Variants in TRAF1 observed in about 807,000 individuals in gnomAD.
TRAF1 encodes the protein TNF receptor associated factor 1.
Under a neutral mutation model 40.9 loss-of-function variants are expected in TRAF1, and 23 were observed. That is an observed-to-expected ratio of 0.56 (90% confidence interval 0.40 to 0.80). The LOEUF is 0.80. Among genes scored for constraint, TRAF1 ranks in the 30% least tolerant of loss-of-function variants. The pLI is 0.00. For synonymous variants in TRAF1, 206 were observed against 218.8 expected (o/e 0.94, Z 0.52); for missense variants, 477 against 528.7 (o/e 0.90, Z 0.96).
At chr9:120,917,184 C>T (rs1427575636) in intron 3 of TRAF1, among the ~76,000 whole-genome samples, 1 of 152,172 alleles carries the variant, frequency 6.6e-6, no homozygotes, top group Non-Finnish European at 1.5e-5. Flanking sequence ...GATGCGTGTA[C>T]AGATGTGGAC....
rs1158828543 is a variant in TRAF1 at position 120,911,319 on chromosome 9, C to A, written c.883+17G>T. The A allele has an allele frequency of 6.2e-7, 1 of 1,609,110 alleles. No individual in the cohort carries two copies. The highest frequency in any genetic ancestry group is 1.3e-5 in the African/African-American group (1 of 74,860). ...CTGTTTCCCCAGGCAGGTCTCTGTG[C>A]CCCTGGGAGGTGTTACCTGGGGAGA... On this transcript the variant is annotated intron_variant, in intron 6 of 7. Transcript: ENST00000373887.
At chr9:120,910,887 T>A (rs2131622229) in intron 6 of TRAF1, among the ~76,000 whole-genome samples, 1 of 152,316 alleles carries the variant, frequency 6.6e-6, no homozygotes, top group Non-Finnish European at 1.5e-5. Context: ...AGTGCATGTG[T>A]CTTACTCAGT....
At chr9:120,914,437 C>G in intron 3 of TRAF1, 137 bp from the exon 4 acceptor site, 1 of 1,239,338 alleles carries the variant, frequency 8.1e-7, no homozygotes, top group Non-Finnish European at 1.0e-6. Context: ...TTCCCTTTGG[C>G]TATCTCCTTT....
chr9:120,919,062 C>T (rs1401202580), intron 3 of TRAF1, among the ~76,000 whole-genome samples: 1 of 152,176 alleles, frequency 6.6e-6, no homozygotes, highest in Non-Finnish European at 1.5e-5. Flanking sequence ...GTGTCCTTGC[C>T]TGGGGTGGCC....
intron 7 of TRAF1, among the ~76,000 whole-genome samples, chr9:120,905,843 A>G (rs969778278): frequency 6.6e-6 from 1 of 152,232 alleles, no homozygotes; most frequent in Non-Finnish European, 1.5e-5. Context: ...TCCATCAGGA[A>G]GCTGAATGGC....
chr9:120,909,230 C>T lies in TRAF1; in HGVS notation c.1032G>A (p.Lys344=). 1 of 1,613,706 alleles carries T rather than the reference C, an allele frequency of 6.2e-7. No individual in the cohort carries two copies. The highest frequency in any genetic ancestry group is 8.5e-7 in the Non-Finnish European group (1 of 1,179,934). The change falls in exon 7 of 8, where the codon AAG becomes AAA. Residue 344 remains lysine, a splice_region_variant and synonymous_variant. Coordinates refer to ENST00000373887, the MANE Select transcript of TRAF1 (RefSeq NM_005658.5). ...ACCCCCATCACCTTCACACCCATAC[C>T]TTGTTCCGGAAGGGCCACGGCAGCA... is the stretch of plus-strand genomic sequence containing the variant. ...DALLPWPFRN[K]VTFMLLDQNN...
chr9:120,923,686 C>T lies in TRAF1; in HGVS notation c.228+19G>A, dbSNP rs1338920531. 6.2e-7 allele frequency: 1 copy of T among 1,613,590 alleles called. No individual in the cohort carries two copies. Among genetic ancestry groups the T allele is most frequent in the Non-Finnish European group, 8.5e-7 (1 of 1,179,518 alleles). On this transcript the variant is annotated intron_variant, in intron 3 of 7. Transcript: ENST00000373887. Reference sequence around the variant, plus strand: ...ATCAAGACAACGGACAAATGCCTTTCTGTGATGTGCCAACGTACCTTCTCC... The same window carrying T: ...ATCAAGACAACGGACAAATGCCTTTTTGTGATGTGCCAACGTACCTTCTCC...
At chr9:120,920,249 G>A (rs1278237856) in intron 3 of TRAF1, among the ~76,000 whole-genome samples, 1 of 152,160 alleles carries the variant, frequency 6.6e-6, no homozygotes, top group African/African-American at 2.4e-5. Context: ...GTGACCTCAA[G>A]GGAGACAGAC....
At position 120,906,689 on chromosome 9, in the gene TRAF1, A is replaced by T. The variant is rs1267309283; in HGVS notation, c.1033-1451T>A. Among the ~76,000 whole-genome samples, 3 of 152,118 alleles carry T rather than the reference A, an allele frequency of 2.0e-5. No individual in the cohort carries two copies. The East Asian group carries it at 5.8e-4, about 29-fold the overall frequency. On this transcript the variant is annotated intron_variant, in intron 7 of 7. Transcript: ENST00000373887. ...CCCAGAGTCCACAGTTTACATTGGC[A>T]TTTACTCTTGGTATTTCACTTTCTA...
chr9:120,906,294 C>G (rs1054312267), intron 7 of TRAF1, among the ~76,000 whole-genome samples: 1 of 150,598 alleles, frequency 6.6e-6, no homozygotes, highest in Non-Finnish European at 1.5e-5. Flanking sequence ...ATTCTCCTGA[C>G]TCAGCCTCCC....
chr9:120,905,029 G>T lies in TRAF1; in HGVS notation c.1242C>A (p.Thr414=). The stretch of plus-strand genomic sequence containing the variant: ...AGGAGCCCCGCCCACCCTAAGTGCT[G>T]GTCTCCACAATGCACTTGAGGAACA... The part of the protein sequence containing the change: ...DTMFLKCIVE[T]ST Residue 414 remains threonine, a synonymous_variant, in exon 8 of 8, where the codon ACC becomes ACA. Coordinates refer to ENST00000373887, the MANE Select transcript of TRAF1 (RefSeq NM_005658.5). 6.2e-7 allele frequency: 1 copy of T among 1,613,620 alleles called. No individual in the cohort carries two copies. The highest frequency in any genetic ancestry group is 8.5e-7 in the Non-Finnish European group (1 of 1,179,896).
intron 3 of TRAF1, among the ~76,000 whole-genome samples, chr9:120,921,638 C>T (rs1030113126): frequency 1.1e-4 from 17 of 151,852 alleles, no homozygotes; most frequent in South Asian, 2.1e-4. Context: ...AGTTACTCCA[C>T]GGAGCAGCAT....
At position 120,905,065 on chromosome 9, in the gene TRAF1, C is replaced by T. The variant is rs149591033; in HGVS notation, c.1206G>A (p.Lys402=). The change falls in exon 8 of 8, where the codon AAG becomes AAA. Residue 402 remains lysine (K), a synonymous_variant. Transcript: ENST00000373887. ...TGCACTTGAGGAACATTGTGTCGTC[C>T]TTCACGTAGGCGTGCTTGGGTGACT... is the stretch of plus-strand genomic sequence containing the variant. ...KLQSPKHAYV[K]DDTMFLKCIV... is the part of the protein sequence containing the mutation. 373 of 1,614,126 alleles carry T rather than the reference C, an allele frequency of 2.3e-4. No homozygotes were observed. Among genetic ancestry groups the T allele is most frequent in the Non-Finnish European group, 3.1e-4 (367 of 1,180,054 alleles).
At chr9:120,909,400 C>G in intron 6 of TRAF1, 22 bp from the exon 7 acceptor site, 1 of 1,610,358 alleles carries the variant, frequency 6.2e-7, no homozygotes, top group Non-Finnish European at 8.5e-7. Flanking sequence ...AAGCCAGAGG[C>G]AGTTGGGAAG....
intron 4 of TRAF1, 83 bp from the exon 5 acceptor site, chr9:120,913,821 C>T (rs754348476): frequency 4.9e-6 from 7 of 1,433,634 alleles, no homozygotes; most frequent in Non-Finnish European, 6.5e-6. Context: ...TATCAAAGGT[C>T]ACCAAGGATT....
At chr9:120,917,697 G>T (rs780831655) in intron 3 of TRAF1, among the ~76,000 whole-genome samples, 20 of 152,114 alleles carry the variant, frequency 1.3e-4, no homozygotes, top group African/African-American at 4.8e-4. Context: ...TCCTTGGCTT[G>T]TGGTCCCTTC....
At chr9:120,923,907 A>T in intron 2 of TRAF1, 115 bp from the exon 3 acceptor site, 1 of 943,612 alleles carries the variant, frequency 1.1e-6, no homozygotes, top group Non-Finnish European at 1.7e-6. Context: ...ATGTACGTCC[A>T]CAATCCCAGA....
chr9:120,928,623 G>T (rs140516736), upstream of TRAF1: 26 of 152,506 alleles, frequency 1.7e-4, no homozygotes, highest in African/African-American at 5.8e-4. Flanking sequence ...TCTGCGCCGC[G>T]TGTCCCCATC....
upstream of TRAF1, chr9:120,928,470 C>G (rs1564123332): frequency 6.6e-6 from 1 of 152,612 alleles, no homozygotes; most frequent in Non-Finnish European, 1.5e-5. Flanking sequence ...CTCAGCCCTT[C>G]CTTCCGGAAT....
Sources: allele counts gnomAD v4.1 joint callset (sites outside exome capture counted in the v4.1 genomes callset), GRCh38; gene constraint gnomAD v4.1.1; transcripts MANE v1.5; gene names NCBI Gene and HGNC (gene_info 2026-07-23, HGNC 2026-07-21).